CREBBP: variants seen among roughly 807,000 people sequenced by gnomAD.
The protein encoded by CREBBP is CREB binding lysine acetyltransferase.
CREBBP carries 19 observed loss-of-function variants against 265.0 expected under a neutral mutation model. The observed-to-expected ratio is 0.07, with a 90% confidence interval of 0.05 to 0.11. CREBBP has a LOEUF of 0.11. Among genes scored for constraint, CREBBP ranks in the 10% least tolerant of loss-of-function variants. The probability of loss-of-function intolerance (pLI) is 1.00; values close to 1 mark genes in which losing one functional copy is unlikely to be tolerated. For synonymous variants in CREBBP, 1,457 were observed against 1,223.7 expected (o/e 1.19, Z -3.98); for missense variants, 2,525 against 3,219.0 (o/e 0.78, Z 5.22).
intron 3 of CREBBP, among the ~76,000 whole-genome samples, chr16:3,798,936 C>T (rs1434044033): frequency 6.6e-6 from 1 of 152,228 alleles, no homozygotes; most frequent in East Asian, 1.9e-4. Flanking sequence ...ATTCAAATGC[C>T]CATCAAGTGA....
At chr16:3,730,227 GACAGT>G (rs2051876911) in intron 30 of CREBBP, among the ~76,000 whole-genome samples, 1 of 152,174 alleles carries the variant, frequency 6.6e-6, no homozygotes, top group East Asian at 1.9e-4. Flanking sequence ...TAAGCTCACG[GACAGT>G]AGACACCAGC....
chr16:3,844,463 CATTT>C (rs956795273), intron 2 of CREBBP, among the ~76,000 whole-genome samples: 7 of 152,162 alleles, frequency 4.6e-5, no homozygotes. Flanking sequence ...TAAAACCTAA[CATTT>C]AGATATTATC....
At chr16:3,759,937 G>C (rs942570895) in intron 16 of CREBBP, among the ~76,000 whole-genome samples, 1 of 152,094 alleles carries the variant, frequency 6.6e-6, no homozygotes, top group African/African-American at 2.4e-5. Flanking sequence ...AAGCTGTTCG[G>C]TGTGGGAGGC....
intron 2 of CREBBP, among the ~76,000 whole-genome samples, chr16:3,827,621 G>T (rs184298303): frequency 5.9e-4 from 89 of 152,122 alleles, no homozygotes; most frequent in African/African-American, 2.0e-3. Flanking sequence ...TCGATCTCCT[G>T]ACCTCGTGAT....
intron 1 of CREBBP, among the ~76,000 whole-genome samples, chr16:3,866,889 G>A (rs1370193963): frequency 6.6e-6 from 1 of 152,084 alleles, no homozygotes; most frequent in African/African-American, 2.4e-5. Context: ...CCCTCAACTG[G>A]ATCTGCAATG....
rs754601626 is a variant in CREBBP at position 3,728,370 on chromosome 16, G to A, written c.6677C>T (p.Ala2226Val). 20 of 1,612,616 alleles carry A rather than the reference G, an allele frequency of 1.2e-5. No homozygotes were observed. The highest frequency in any genetic ancestry group is 8.0e-5 in the African/African-American group (6 of 74,858). Residue 2226 changes from alanine to valine, a missense_variant, in exon 31 of 31, where the codon GCG (alanine) becomes GTG (valine). Ala to Val is a moderately conservative substitution (Grantham distance 64). Transcript: ENST00000262367. The surrounding 1 kb of genome is among the most constrained non-coding windows in gnomAD (Gnocchi z 8.7). ...AGGCTGCTGGAACTGGCCGTGCCCC[G>A]CCATGCCCCCAGCCATGCCGGCACT... ...QGSAGMAGGM[A>V]GHGQFQQPQG...
chr16:3,780,482 G>A (rs1398729884), intron 8 of CREBBP, among the ~76,000 whole-genome samples: 1 of 152,154 alleles, frequency 6.6e-6, no homozygotes, highest in Non-Finnish European at 1.5e-5. Context: ...CTCGGTGATA[G>A]GGGCTGCAAG....
chr16:3,828,674 C>T (rs569063320), intron 2 of CREBBP, among the ~76,000 whole-genome samples: 1 of 152,290 alleles, frequency 6.6e-6, no homozygotes, highest in Admixed American at 6.5e-5. Context: ...TTGAATACAG[C>T]TGTATTACAG....
At chr16:3,738,736 AC>A in intron 25 of CREBBP, 64 bp from the exon 26 acceptor site, 1 of 1,024,054 alleles carries the variant, frequency 9.8e-7, no homozygotes, top group Non-Finnish European at 1.5e-6. Context: ...AACACAAGCA[AC>A]AAACAACACC....
intron 14 of CREBBP, among the ~76,000 whole-genome samples, chr16:3,769,640 T>A (rs1367898687): frequency 6.6e-6 from 1 of 152,186 alleles, no homozygotes; most frequent in Non-Finnish European, 1.5e-5. Context: ...AGCTAAATCA[T>A]GAAATCTCAT....
At chr16:3,821,821 G>C (rs1173282389) in intron 2 of CREBBP, among the ~76,000 whole-genome samples, 2 of 152,222 alleles carry the variant, frequency 1.3e-5, no homozygotes, top group East Asian at 3.8e-4. Flanking sequence ...CCTGAGGTCA[G>C]GAGTTGGAGA....
intron 1 of CREBBP, among the ~76,000 whole-genome samples, chr16:3,860,115 GGT>G (rs772903046): frequency 1.3e-5 from 2 of 151,342 alleles, no homozygotes; most frequent in Non-Finnish European, 3.0e-5. Context: ...GTGCCTACTC[GGT>G]GTGTGTGTGT....
intron 23 of CREBBP, chr16:3,740,755 C>G (rs1215992514): frequency 3.0e-6 from 2 of 664,428 alleles, no homozygotes; most frequent in Admixed American, 2.3e-5. Flanking sequence ...GCACTCCACT[C>G]CTGAAAACCG....
chr16:3,735,390 G>A (rs772911789), intron 28 of CREBBP, among the ~76,000 whole-genome samples: 1 of 152,064 alleles, frequency 6.6e-6, no homozygotes, highest in Non-Finnish European at 1.5e-5. Context: ...TCCGCCTCCC[G>A]GGTTCAAGCG....
intron 1 of CREBBP, among the ~76,000 whole-genome samples, chr16:3,877,158 C>G (rs958538998): frequency 3.3e-5 from 5 of 152,166 alleles, no homozygotes; most frequent in Non-Finnish European, 1.5e-5. Flanking sequence ...ATGCACCGGG[C>G]ACACACCCTG....
intron 19 of CREBBP, among the ~76,000 whole-genome samples, chr16:3,752,181 C>T (rs1038036278): frequency 6.6e-6 from 1 of 152,178 alleles, no homozygotes; most frequent in African/African-American, 2.4e-5. Context: ...GTTGTTAATA[C>T]TAGAATTGCA....
Position 3,740,553 on chromosome 16 carries a change from G to A in CREBBP, c.3983-4C>T, listed in dbSNP as rs757096550. ...CCCAGTCTTGTGGTCTGCAGCCCTA[G>A]GAAGTCCAGAAGGAGCAGGTGAGAG... On this transcript the variant is annotated splice_polypyrimidine_tract_variant and splice_region_variant and intron_variant, in intron 23 of 30. Transcript: ENST00000262367. 16 of 1,613,996 alleles carry A rather than the reference G, an allele frequency of 9.9e-6. No homozygotes were observed. The highest frequency in any genetic ancestry group is 1.3e-5 in the African/African-American group (1 of 74,910).
At position 3,726,587 on chromosome 16, in the gene CREBBP, A is replaced by T. The variant is rs1596777761; in HGVS notation, c.*1131T>A. 3 of 233,578 alleles carry T rather than the reference A, an allele frequency of 1.3e-5. No individual in the cohort carries two copies. Among genetic ancestry groups the T allele is most frequent in the Non-Finnish European group, 2.5e-5 (3 of 118,032 alleles). The allele number at this position is 233,578 out of a possible 1,614,324, so 14.5% of individuals were successfully genotyped here. On this transcript the variant is annotated 3_prime_UTR_variant, in exon 31 of 31. Coordinates refer to ENST00000262367, the MANE Select transcript of CREBBP (RefSeq NM_004380.3). ...TGTCTTACAAAGAACAGACTCAAAA[A>T]ATATATATAAATAAATAAAAACCTT...
intron 2 of CREBBP, among the ~76,000 whole-genome samples, chr16:3,846,269 C>T (rs1200410770): frequency 4.6e-5 from 7 of 152,170 alleles, no homozygotes; most frequent in African/African-American, 1.4e-4. Flanking sequence ...ACAAAGAAGA[C>T]AACTTGCTTA....
Sources: gnomAD v4.1 joint callset for allele counts (sites outside exome capture counted in the v4.1 genomes callset) on GRCh38, gnomAD v4.1.1 for gene constraint, Gnocchi (gnomAD v3.1) non-coding constraint, MANE v1.5 for transcripts, NCBI Gene and HGNC (gene_info 2026-07-23, HGNC 2026-07-21) for gene names.